Variants in EIF4E observed in about 807,000 individuals in gnomAD.
EIF4E encodes eIF-4F 25 kDa subunit.
For missense variants in EIF4E, 113 were observed against 265.6 expected (o/e 0.43, Z 3.99); for synonymous variants, 71 against 88.5 (o/e 0.80, Z 1.11).
chr4:98,889,157 CA>C (rs35752327), intron 3 of EIF4E, among the ~76,000 whole-genome samples: 50,813 of 135,494 alleles, frequency 0.38, 8,812 homozygotes, highest in Non-Finnish European at 0.43. Context: ...GACTCCATCT[CA>C]AAAAAAAAAA....
intron 2 of EIF4E, 150 bp downstream of exon 2, chr4:98,901,726 T>G: frequency 2.7e-6 from 2 of 754,388 alleles, no homozygotes; most frequent in Non-Finnish European, 4.7e-6. Flanking sequence ...TAAAACTGTC[T>G]GCTGGTCATG....
At chr4:98,888,630 A>T (rs1724020009) in intron 3 of EIF4E, among the ~76,000 whole-genome samples, 2 of 152,194 alleles carry the variant, frequency 1.3e-5, no homozygotes, top group South Asian at 4.1e-4. Flanking sequence ...ACAGAATAAC[A>T]TTTGCGATGA....
chr4:98,916,607 G>T (rs1725393406), intron 1 of EIF4E, among the ~76,000 whole-genome samples: 1 of 152,036 alleles, frequency 6.6e-6, no homozygotes, highest in African/African-American at 2.4e-5. Context: ...CAAATTATAG[G>T]GAGTGAGGGT....
At chr4:98,891,136 T>C in intron 3 of EIF4E, 101 bp downstream of exon 3, 1 of 1,249,820 alleles carries the variant, frequency 8.0e-7, no homozygotes, top group Non-Finnish European at 1.2e-6. Flanking sequence ...GAACATTCAT[T>C]AACTGTTTAA....
intron 2 of EIF4E, among the ~76,000 whole-genome samples, chr4:98,896,657 A>G (rs890896529): frequency 7.4e-5 from 8 of 108,298 alleles, no homozygotes; most frequent in African/African-American, 3.2e-4. Flanking sequence ...GAATGGGACC[A>G]TGTCTCTTCC....
At chr4:98,912,856 T>A (rs1247624685) in intron 1 of EIF4E, among the ~76,000 whole-genome samples, 1 of 152,180 alleles carries the variant, frequency 6.6e-6, no homozygotes, top group Non-Finnish European at 1.5e-5. Context: ...TCTAGTTTTT[T>A]AAAAAAATCA....
chr4:98,924,928 G>T (rs911125883), intron 1 of EIF4E, among the ~76,000 whole-genome samples: 20 of 152,236 alleles, frequency 1.3e-4, no homozygotes, highest in South Asian at 4.1e-4. Flanking sequence ...AAGAAATCTG[G>T]AATATGAACC....
At chr4:98,901,026 T>A (rs958424390) in intron 2 of EIF4E, among the ~76,000 whole-genome samples, 1 of 152,214 alleles carries the variant, frequency 6.6e-6, no homozygotes, top group African/African-American at 2.4e-5. Flanking sequence ...ATGGAACTAC[T>A]CTATGGAACC....
chr4:98,920,103 T>C (rs1053332740), intron 1 of EIF4E, among the ~76,000 whole-genome samples: 1 of 152,064 alleles, frequency 6.6e-6, no homozygotes, highest in Non-Finnish European at 1.5e-5. Context: ...AAAATTGTAA[T>C]TGGGCAATTT....
chr4:98,908,406 C>T (rs1258019225), intron 1 of EIF4E, among the ~76,000 whole-genome samples: 2 of 152,152 alleles, frequency 1.3e-5, no homozygotes, highest in African/African-American at 4.8e-5. Flanking sequence ...GTAGTGCTTC[C>T]TTATATTACC....
At chr4:98,890,771 T>C (rs10020687) in intron 3 of EIF4E, 20,741 of 164,534 alleles carry the variant, frequency 0.13, 1,468 homozygotes, top group African/African-American at 0.18. Flanking sequence ...AGTATCATGA[T>C]AGATACTGGC....
intron 2 of EIF4E, among the ~76,000 whole-genome samples, chr4:98,893,098 C>T (rs1724227737): frequency 1.3e-5 from 2 of 152,172 alleles, no homozygotes; most frequent in South Asian, 2.1e-4. Context: ...GTAAAAGTTA[C>T]GTTTACACTA....
rs185888921 is a variant in EIF4E at position 98,920,526 on chromosome 4, C to T, written c.18+8569G>A. On this transcript the variant is annotated intron_variant, in intron 1 of 6. Transcript: ENST00000450253. ...GCCAGGCTGGTCTCGAACTCCTGATCTCAGGTGATTCGCCCATCTCAGCCT... is the reference window on the plus strand; with the variant it reads ...GCCAGGCTGGTCTCGAACTCCTGATTTCAGGTGATTCGCCCATCTCAGCCT... Among the ~76,000 whole-genome samples the T allele has an allele frequency of 5.9e-4, 90 of 152,218 alleles. 1 individual carries two copies. Among genetic ancestry groups the T allele is most frequent in the Non-Finnish European group, 1.1e-3 (76 of 68,024 alleles).
chr4:98,890,577 G>A (rs1258473930), intron 3 of EIF4E, among the ~76,000 whole-genome samples: 1 of 152,168 alleles, frequency 6.6e-6, no homozygotes, highest in Non-Finnish European at 1.5e-5. Flanking sequence ...TGATCTTCCT[G>A]CCTCAGCATC....
intron 2 of EIF4E, among the ~76,000 whole-genome samples, chr4:98,897,479 G>A (rs1724457463): frequency 6.6e-6 from 1 of 152,038 alleles, no homozygotes; most frequent in Non-Finnish European, 1.5e-5. Flanking sequence ...GCAGACGCAT[G>A]AGAATGAACC....
At chr4:98,893,128 T>C (rs1036003390) in intron 2 of EIF4E, among the ~76,000 whole-genome samples, 1 of 152,078 alleles carries the variant, frequency 6.6e-6, no homozygotes, top group African/African-American at 2.4e-5. Flanking sequence ...CTACATTATG[T>C]CTGAAATAGC....
At chr4:98,902,195 C>G (rs1724683935) in intron 1 of EIF4E, among the ~76,000 whole-genome samples, 1 of 152,170 alleles carries the variant, frequency 6.6e-6, no homozygotes, top group Non-Finnish European at 1.5e-5. Flanking sequence ...CCTCAGCCTC[C>G]TAAGTAGCTG....
chr4:98,887,803 A>G lies in EIF4E; in HGVS notation c.285+86T>C. Reference sequence around the variant, plus strand: ...CAGCCTATTCATCACACTATCAAATATTCCTAAGTTTATGGTAAGATTTCT... The same window carrying G: ...CAGCCTATTCATCACACTATCAAATGTTCCTAAGTTTATGGTAAGATTTCT... On this transcript the variant is annotated intron_variant, in intron 4 of 6. Transcript: ENST00000450253. This position sits in a 1 kb window ranked among gnomAD's most constrained non-coding sequence, Gnocchi z 4.0. The G allele has an allele frequency of 8.3e-7, 1 of 1,208,576 alleles. No individual in the cohort carries two copies. Among genetic ancestry groups the G allele is most frequent in the Non-Finnish European group, 1.2e-6 (1 of 829,410 alleles). 74.9% of individuals were successfully genotyped at this position (1,208,576 alleles called of 1,614,324 possible).
At chr4:98,929,019 T>C (rs934527224) in intron 1 of EIF4E, 76 bp downstream of exon 1, 1 of 1,563,256 alleles carries the variant, frequency 6.4e-7, no homozygotes. Context: ...GGGAACGCCG[T>C]CCCGCGGAGT....
Sources: gnomAD v4.1 joint callset for allele counts (sites outside exome capture counted in the v4.1 genomes callset) on GRCh38, gnomAD v4.1.1 for gene constraint, Gnocchi (gnomAD v3.1) non-coding constraint, MANE v1.5 for transcripts, NCBI Gene and HGNC (gene_info 2026-07-23, HGNC 2026-07-21) for gene names.